Variants in GALNT2 observed in about 807,000 individuals in gnomAD.
GALNT2 encodes UDP-GalNAc:polypeptide N-acetylgalactosaminyltransferase 2.
In GALNT2, 31 loss-of-function variants were observed where a neutral mutation model predicts 81.4. That is an observed-to-expected ratio of 0.38 (90% CI 0.29 to 0.51). The LOEUF (loss-of-function observed/expected upper bound fraction) is 0.51. GALNT2 is among the 20% of genes least tolerant of loss of function. GALNT2 has a pLI of 0.87. For synonymous variants in GALNT2, 303 were observed against 287.4 expected, an observed-to-expected ratio of 1.05 and a Z score of -0.55; for missense variants, 629 against 765.7, an observed-to-expected ratio of 0.82 and a Z score of 2.11.
chr1:230,192,811 C>T (rs1284103238), intron 2 of GALNT2, among the ~76,000 whole-genome samples: 1 of 152,110 alleles, frequency 6.6e-6, no homozygotes, highest in African/African-American at 2.4e-5. Flanking sequence ...TGTCCTTAAT[C>T]ATGGATGTGT....
intron 14 of GALNT2, among the ~76,000 whole-genome samples, chr1:230,270,493 A>G (rs1572161401): frequency 6.6e-6 from 1 of 152,250 alleles, no homozygotes; most frequent in East Asian, 1.9e-4. Context: ...AGTGTGAATT[A>G]CAAGTTTAAT....
chr1:230,241,714 TGGGATTACA>T (rs2102740339), intron 6 of GALNT2, among the ~76,000 whole-genome samples: 1 of 152,340 alleles, frequency 6.6e-6, no homozygotes, highest in South Asian at 2.1e-4. Context: ...CCCAAAGTGC[TGGGATTACA>T]GGCGTGAGCC....
chr1:230,247,977 C>T (rs1239297308), intron 8 of GALNT2, among the ~76,000 whole-genome samples: 1 of 152,160 alleles, frequency 6.6e-6, no homozygotes, highest in African/African-American at 2.4e-5. Context: ...CCTTCGTGGC[C>T]TTTGAGGCAC....
At chr1:230,117,535 A>G (rs576353405) in intron 1 of GALNT2, among the ~76,000 whole-genome samples, 2 of 152,306 alleles carry the variant, frequency 1.3e-5, no homozygotes, top group East Asian at 3.9e-4. Context: ...CAATTGGCCT[A>G]ATTTCAGTAT....
At chr1:230,168,370 T>C (rs1662681060) in intron 1 of GALNT2, among the ~76,000 whole-genome samples, 1 of 152,234 alleles carries the variant, frequency 6.6e-6, no homozygotes, top group African/African-American at 2.4e-5. Flanking sequence ...TTCTCTGGGC[T>C]AAAACGTTTA....
chr1:230,198,476 A>AC (rs143099564), intron 2 of GALNT2, among the ~76,000 whole-genome samples: 7,477 of 70,022 alleles, frequency 0.11, 1,069 homozygotes, highest in African/African-American at 0.27. Context: ...CAGGGGCAGG[A>AC]CAGCAGCCCA....
intron 14 of GALNT2, among the ~76,000 whole-genome samples, chr1:230,270,427 A>G (rs1281222796): frequency 6.6e-6 from 1 of 152,238 alleles, no homozygotes; most frequent in Non-Finnish European, 1.5e-5. Flanking sequence ...GATGCTCTAC[A>G]TCTGCCATTC....
At chr1:230,184,722 C>A (rs1572060519) in intron 2 of GALNT2, among the ~76,000 whole-genome samples, 2 of 151,830 alleles carry the variant, frequency 1.3e-5, no homozygotes, top group African/African-American at 2.4e-5. Flanking sequence ...TTTTTGGAGC[C>A]TTTATACTAT....
intron 1 of GALNT2, among the ~76,000 whole-genome samples, chr1:230,084,603 C>T (rs147696697): frequency 3.5e-4 from 53 of 151,794 alleles, no homozygotes; most frequent in Non-Finnish European, 5.6e-4. Context: ...CTGGTGGGCT[C>T]GGGGGAGAAT....
intron 3 of GALNT2, among the ~76,000 whole-genome samples, chr1:230,224,143 G>A (rs918002775): frequency 6.6e-6 from 1 of 152,176 alleles, no homozygotes; most frequent in Non-Finnish European, 1.5e-5. Flanking sequence ...ACGATGGTGG[G>A]CACCAGGAGG....
chr1:230,071,799 A>G (rs897196626), intron 1 of GALNT2, among the ~76,000 whole-genome samples: 1 of 152,216 alleles, frequency 6.6e-6, no homozygotes, highest in Non-Finnish European at 1.5e-5. Context: ...GCACTGTAAC[A>G]TAAACTTCTC....
chr1:230,242,411 G>T (rs57230830), intron 6 of GALNT2, among the ~76,000 whole-genome samples: 5,472 of 152,228 alleles, frequency 0.036, 296 homozygotes, highest in East Asian at 0.21. Flanking sequence ...AAAGTACTTA[G>T]CAGACTTGTC....
At chr1:230,194,318 G>A (rs74143122) in intron 2 of GALNT2, among the ~76,000 whole-genome samples, 10,890 of 152,246 alleles carry the variant, frequency 0.072, 1,019 homozygotes, top group African/African-American at 0.2. Context: ...GCAGGGATGC[G>A]TCCTGCAGAA....
At chr1:230,276,845 C>T (rs1258457279) in intron 15 of GALNT2, among the ~76,000 whole-genome samples, 1 of 152,196 alleles carries the variant, frequency 6.6e-6, no homozygotes, top group Non-Finnish European at 1.5e-5. Context: ...CACTCATTGG[C>T]CCCTCGAGAG....
At chr1:230,231,853 G>A (rs568182700) in intron 3 of GALNT2, among the ~76,000 whole-genome samples, 179 of 152,280 alleles carry the variant, frequency 1.2e-3, no homozygotes, top group Middle Eastern at 3.4e-3. Flanking sequence ...AAGTCAGCCC[G>A]AAACCCCGCC....
At chr1:230,191,547 A>C (rs952849862) in intron 2 of GALNT2, among the ~76,000 whole-genome samples, 5 of 152,224 alleles carry the variant, frequency 3.3e-5, no homozygotes, top group African/African-American at 1.2e-4. Context: ...ACAGGGTCTC[A>C]CCAACCCAGG....
At chr1:230,175,816 G>A (rs1435477815) in intron 1 of GALNT2, among the ~76,000 whole-genome samples, 1 of 151,482 alleles carries the variant, frequency 6.6e-6, no homozygotes, top group Non-Finnish European at 1.5e-5. Context: ...TGTATTCTTG[G>A]GTTTTTATGA....
chr1:230,111,455 A>G (rs1660703280), intron 1 of GALNT2, among the ~76,000 whole-genome samples: 1 of 152,238 alleles, frequency 6.6e-6, no homozygotes, highest in Non-Finnish European at 1.5e-5. Context: ...AACCCTCCCC[A>G]GAAGGCTCTG....
intron 1 of GALNT2, among the ~76,000 whole-genome samples, chr1:230,172,109 G>A (rs1471490911): frequency 6.6e-6 from 1 of 152,210 alleles, no homozygotes; most frequent in Non-Finnish European, 1.5e-5. Context: ...AGCTGGACAT[G>A]GTGACATGGT....
Sources: gnomAD v4.1 joint callset for allele counts (sites outside exome capture counted in the v4.1 genomes callset) on GRCh38, gnomAD v4.1.1 for gene constraint, MANE v1.5 for transcripts, NCBI Gene and HGNC (gene_info 2026-07-23, HGNC 2026-07-21) for gene names.